The following KIF26B variants were observed in gnomAD, a reference collection of about 807,000 sequenced individuals.
KIF26B encodes kinesin-like protein KIF26B.
KIF26B carries 63 observed loss-of-function variants against 151.2 expected under a neutral mutation model. That is an observed-to-expected ratio of 0.42 (90% CI 0.34 to 0.51). KIF26B has a LOEUF of 0.51. KIF26B is among the 20% of genes least tolerant of loss of function. The pLI, the probability that KIF26B is intolerant of heterozygous loss-of-function variation, is 0.07. For missense variants in KIF26B, 2,813 were observed against 2,913.6 expected, an observed-to-expected ratio of 0.97 and a Z score of 0.79; for synonymous variants, 1,357 against 1,262.1, an observed-to-expected ratio of 1.08 and a Z score of -1.59.
chr1:245,632,981 C>T (rs191830263), intron 9 of KIF26B, among the ~76,000 whole-genome samples: 2 of 152,074 alleles, frequency 1.3e-5, no homozygotes, highest in Non-Finnish European at 2.9e-5. Flanking sequence ...CTCTTTAGCT[C>T]TAATGATAAT....
intron 9 of KIF26B, among the ~76,000 whole-genome samples, chr1:245,622,948 G>A (rs2043680703): frequency 6.6e-6 from 1 of 151,002 alleles, no homozygotes. Context: ...GCCGCAGGAT[G>A]TAGTTGAGAG....
chr1:245,268,516 AAAG>A (rs944594142), intron 2 of KIF26B, among the ~76,000 whole-genome samples: 2 of 82,666 alleles, frequency 2.4e-5, no homozygotes, highest in Non-Finnish European at 4.8e-5. Context: ...TAATAATAAT[AAAG>A]TTTTTTTTTT....
intron 2 of KIF26B, among the ~76,000 whole-genome samples, chr1:245,300,910 A>G (rs557295922): frequency 6.6e-6 from 1 of 151,388 alleles, no homozygotes; most frequent in East Asian, 2.0e-4. Context: ...AGCTCACTGC[A>G]ACCTCTGCCT....
In KIF26B at chr1:245,520,901, A is replaced by C. The variant is rs193299126; in HGVS notation, c.1167-19866A>C. On this transcript the variant is annotated intron_variant, in intron 4 of 14. Coordinates refer to ENST00000407071, the MANE Select transcript of KIF26B (RefSeq NM_018012.4). ...GTTTGTGTCTCCCTCTAAATTCATA[A>C]GCTGAAATCCTAACCCATAAGATGA... is the stretch of plus-strand genomic sequence containing the variant. Among the ~76,000 whole-genome samples, 8 of 152,286 alleles carry C rather than the reference A, an allele frequency of 5.3e-5. No individual in the cohort carries two copies. In the East Asian group the frequency reaches 1.5e-3, roughly 29 times the overall value.
rs575182902 is a variant in KIF26B, at chr1:245,434,024, C to T, written c.1166+14279C>T. 8.5e-5 allele frequency among the ~76,000 whole-genome samples: 13 copies of T among 152,216 alleles called. No homozygotes were observed. The South Asian group carries it at 2.7e-3, about 32-fold the overall frequency. ...AAATGAACAAATATAAACCATTACT[C>T]AAAATTTCTTTCCAGTCTTTTTGGT... On this transcript the variant is annotated intron_variant, in intron 4 of 14. Coordinates refer to ENST00000407071, the MANE Select transcript of KIF26B (RefSeq NM_018012.4).
chr1:245,566,152 T>C (rs549597213), intron 5 of KIF26B, among the ~76,000 whole-genome samples: 43 of 152,322 alleles, frequency 2.8e-4, no homozygotes, highest in African/African-American at 1.0e-3. Context: ...AACATGAGAT[T>C]TGGAGGGGCA....
At chr1:245,550,260 C>T (rs1000773457) in intron 5 of KIF26B, among the ~76,000 whole-genome samples, 1 of 152,194 alleles carries the variant, frequency 6.6e-6, no homozygotes, top group Admixed American at 6.5e-5. Context: ...GTTAGTGGAG[C>T]TCTGTTCCAG....
At chr1:245,440,524 C>A (rs993463116) in intron 4 of KIF26B, among the ~76,000 whole-genome samples, 1 of 152,142 alleles carries the variant, frequency 6.6e-6, no homozygotes, top group Non-Finnish European at 1.5e-5. Flanking sequence ...CAGATTAATC[C>A]ACAGATGGCA....
chr1:245,232,738 C>CG (rs1310596707), intron 2 of KIF26B, among the ~76,000 whole-genome samples: 2 of 151,984 alleles, frequency 1.3e-5, no homozygotes, highest in Non-Finnish European at 2.9e-5. Flanking sequence ...TTAGTAGAGA[C>CG]GGGGTTTCTC....
At chr1:245,638,994 G>T (rs1476325463) in intron 9 of KIF26B, among the ~76,000 whole-genome samples, 1 of 151,828 alleles carries the variant, frequency 6.6e-6, no homozygotes, top group South Asian at 2.1e-4. Context: ...CTTGTAGAAT[G>T]AGTTTGGAAG....
rs771007934 is a variant in KIF26B, at chr1:245,688,662, C to A, written c.5679C>A (p.Gly1893=). Residue 1893 remains glycine, a synonymous_variant, in exon 12 of 15, where the codon GGC becomes GGA. Coordinates refer to ENST00000407071, the MANE Select transcript of KIF26B (RefSeq NM_018012.4). ...MGKTALFYHS[G]GSSGYESVMR... Reference sequence around the variant, plus strand: ...AGACGGCCCTGTTCTACCACAGCGGCGGCAGCAGCGGCTACGAGAGCGTGA... The same window carrying A: ...AGACGGCCCTGTTCTACCACAGCGGAGGCAGCAGCGGCTACGAGAGCGTGA... 1.9e-6 allele frequency: 3 copies of A among 1,603,406 alleles called. No individual in the cohort carries two copies. The African/African-American group carries it at 4.0e-5, about 21-fold the overall frequency.
rs1032363750 is a variant in KIF26B, at chr1:245,606,168, C to A, written c.1558-1483C>A. On this transcript the variant is annotated intron_variant, in intron 6 of 14. Transcript: ENST00000407071. This position sits in a 1 kb window ranked among gnomAD's most constrained non-coding sequence, Gnocchi z 4.6. ...GCCCTACAGCAGCCCTGTCCTGCCA[C>A]CCCCTCTGGCCCAGGAGGAGCCCCC... Among the ~76,000 whole-genome samples, 4 of 152,090 alleles carry A rather than the reference C, an allele frequency of 2.6e-5. No individual in the cohort carries two copies. The highest frequency in any genetic ancestry group is 9.7e-5 in the African/African-American group (4 of 41,418).
chr1:245,190,029 C>CG (rs36140849), intron 2 of KIF26B, among the ~76,000 whole-genome samples: 11,391 of 152,144 alleles, frequency 0.075, 526 homozygotes, highest in South Asian at 0.19. Flanking sequence ...ATCTCCTCCC[C>CG]GGTCCCTCCC....
At position 245,439,722 on chromosome 1, in the gene KIF26B, T is replaced by C. The variant is rs140550666; in HGVS notation, c.1166+19977T>C. On this transcript the variant is annotated intron_variant, in intron 4 of 14. Coordinates refer to ENST00000407071, the MANE Select transcript of KIF26B (RefSeq NM_018012.4). ...GGTAAAATAATTCAAATTATTCTTA[T>C]GAGATGATAGACTTGGAGAAACTGT... 4.2e-3 allele frequency among the ~76,000 whole-genome samples: 646 copies of C among 152,296 alleles called. 3 individuals are homozygous for C. Among genetic ancestry groups the C allele is most frequent in the Non-Finnish European group, 6.2e-3 (420 of 68,024 alleles).
rs2044794882 is a variant in KIF26B at position 245,703,092 on chromosome 1, C to A, written c.*486C>A. ...CAGATGGTGCTAGTCAAGATGAAAA[C>A]AACAAAACAAACAAGAAAAACATTT... On this transcript the variant is annotated 3_prime_UTR_variant, in exon 15 of 15. Coordinates refer to ENST00000407071, the MANE Select transcript of KIF26B (RefSeq NM_018012.4). 4 of 153,658 alleles carry A rather than the reference C, an allele frequency of 2.6e-5. No individual in the cohort carries two copies. Among genetic ancestry groups the A allele is most frequent in the African/African-American group, 9.6e-5 (4 of 41,480 alleles). 9.5% of individuals were successfully genotyped at this position (153,658 alleles called of 1,614,324 possible). A position where few individuals can be genotyped will look rare whatever the true frequency, so the allele number is the denominator to read the frequency against.
chr1:245,162,037 C>T (rs1668539946), intron 2 of KIF26B, among the ~76,000 whole-genome samples: 1 of 152,194 alleles, frequency 6.6e-6, no homozygotes, highest in African/African-American at 2.4e-5. Flanking sequence ...TCATCCCTTC[C>T]TGAACAGAAA....
In KIF26B at chr1:245,499,541, G is replaced by A. The variant is rs1024640325; in HGVS notation, c.1167-41226G>A. Reference sequence around the variant, plus strand: ...AAACTTGGCTGAGGACACACAGCTCGGAACCCTAGCCCATAGATAAATAGA... The same window carrying A: ...AAACTTGGCTGAGGACACACAGCTCAGAACCCTAGCCCATAGATAAATAGA... On this transcript the variant is annotated intron_variant, in intron 4 of 14. Coordinates refer to ENST00000407071, the MANE Select transcript of KIF26B (RefSeq NM_018012.4). Among the ~76,000 whole-genome samples the A allele has an allele frequency of 2.2e-4, 33 of 152,156 alleles. 1 individual carries two copies. The highest frequency in any genetic ancestry group is 7.7e-4 in the African/African-American group (32 of 41,422).
intron 3 of KIF26B, among the ~76,000 whole-genome samples, chr1:245,396,099 G>C (rs1022902690): frequency 6.6e-6 from 1 of 152,032 alleles, no homozygotes; most frequent in Non-Finnish European, 1.5e-5. Context: ...CTTTGCTTAG[G>C]GTCCTTATTT....
intron 2 of KIF26B, among the ~76,000 whole-genome samples, chr1:245,200,850 G>C (rs549379112): frequency 8.3e-4 from 126 of 152,322 alleles, no homozygotes; most frequent in African/African-American, 2.8e-3. Context: ...CAATGTATGA[G>C]TAAAGGCATA....
Sources: gnomAD v4.1 joint callset for allele counts (sites outside exome capture counted in the v4.1 genomes callset) on GRCh38, gnomAD v4.1.1 for gene constraint, Gnocchi (gnomAD v3.1) non-coding constraint, MANE v1.5 for transcripts, NCBI Gene and HGNC (gene_info 2026-07-23, HGNC 2026-07-21) for gene names.